The following ATRNL1 variants were observed in gnomAD, a reference collection of about 807,000 sequenced individuals.
ATRNL1 encodes the protein attractin like 1.
A neutral mutation model predicts 182.7 loss-of-function variants in ATRNL1; 95 were observed. The observed-to-expected ratio is 0.52, with a 90% CI of 0.44 to 0.62. ATRNL1 has a LOEUF of 0.62. ATRNL1 is among the 20% of genes least tolerant of loss of function. The pLI is 0.00. For synonymous variants in ATRNL1, 576 were observed against 568.3 expected (o/e 1.01, Z -0.19); for missense variants, 1,471 against 1,679.5 (o/e 0.88, Z 2.17).
chr10:115,542,730 T>A (rs1428219963), intron 25 of ATRNL1, among the ~76,000 whole-genome samples: 2 of 152,104 alleles, frequency 1.3e-5, no homozygotes, highest in African/African-American at 4.8e-5. Flanking sequence ...ACTAAGTGGG[T>A]TAAACAATAG....
chr10:115,533,271 A>C (rs1235797262), intron 25 of ATRNL1, among the ~76,000 whole-genome samples: 2 of 151,822 alleles, frequency 1.3e-5, no homozygotes, highest in African/African-American at 4.8e-5. Flanking sequence ...TTATTGCCAC[A>C]GTTTCAGATG....
chr10:115,897,026 A>C (rs1269010679), intron 28 of ATRNL1, among the ~76,000 whole-genome samples: 1 of 152,318 alleles, frequency 6.6e-6, no homozygotes, highest in East Asian at 1.9e-4. Context: ...TATTTATATC[A>C]CTTAGAATAA....
intron 7 of ATRNL1, among the ~76,000 whole-genome samples, chr10:115,167,345 CTTTGTT>C (rs1847093396): frequency 6.6e-6 from 1 of 151,854 alleles, no homozygotes; most frequent in South Asian, 2.1e-4. Context: ...ATACTTCCTA[CTTTGTT>C]TTTATTTCTC....
At chr10:115,685,374 A>G (rs2133959619) in intron 26 of ATRNL1, among the ~76,000 whole-genome samples, 1 of 151,958 alleles carries the variant, frequency 6.6e-6, no homozygotes, top group African/African-American at 2.4e-5. Flanking sequence ...TTTATCATCT[A>G]TACAATGGAG....
At chr10:115,317,435 A>G (rs1854355139) in intron 18 of ATRNL1, among the ~76,000 whole-genome samples, 1 of 152,124 alleles carries the variant, frequency 6.6e-6, no homozygotes, top group Non-Finnish European at 1.5e-5. Context: ...GAAGAATGTC[A>G]ATTGTAGCTT....
intron 19 of ATRNL1, among the ~76,000 whole-genome samples, chr10:115,370,742 A>T (rs1213527714): frequency 6.6e-6 from 1 of 152,254 alleles, no homozygotes; most frequent in Non-Finnish European, 1.5e-5. Context: ...ATAGAAAAGA[A>T]CATCCCATTT....
At chr10:115,499,382 A>G (rs1554979420) in intron 24 of ATRNL1, among the ~76,000 whole-genome samples, 2 of 152,184 alleles carry the variant, frequency 1.3e-5, no homozygotes, top group South Asian at 2.1e-4. Context: ...AAATGAAACT[A>G]TTTTAAGAGT....
intron 1 of ATRNL1, among the ~76,000 whole-genome samples, chr10:115,097,353 G>GCA (rs1554863387): frequency 6.6e-6 from 1 of 152,128 alleles, no homozygotes; most frequent in African/African-American, 2.4e-5. Context: ...GGGCATGGTG[G>GCA]CACACACCTG....
intron 27 of ATRNL1, among the ~76,000 whole-genome samples, chr10:115,755,285 A>G (rs534999806): frequency 1.3e-5 from 2 of 152,278 alleles, no homozygotes; most frequent in Admixed American, 6.5e-5. Context: ...TTGCCCATTC[A>G]GTATGATATT....
At chr10:115,239,556 C>T (rs1850326417) in intron 9 of ATRNL1, among the ~76,000 whole-genome samples, 1 of 151,996 alleles carries the variant, frequency 6.6e-6, no homozygotes, top group Non-Finnish European at 1.5e-5. Flanking sequence ...CTTAGCCTAC[C>T]TCTCCTCCTG....
chr10:115,811,873 T>C (rs1950054256), intron 27 of ATRNL1, among the ~76,000 whole-genome samples: 1 of 152,060 alleles, frequency 6.6e-6, no homozygotes, highest in Non-Finnish European at 1.5e-5. Context: ...ATTATAAAAA[T>C]ATGTGAAAAT....
intron 28 of ATRNL1, 106 bp downstream of exon 28, chr10:115,848,097 A>G: frequency 1.5e-6 from 1 of 661,678 alleles, no homozygotes; most frequent in Non-Finnish European, 2.7e-6. Context: ...GCAAGGTTCT[A>G]ATTTAGAGCA....
chr10:115,856,540 T>C (rs1589610867), intron 28 of ATRNL1, among the ~76,000 whole-genome samples: 1 of 151,154 alleles, frequency 6.6e-6, no homozygotes, highest in African/African-American at 2.4e-5. Context: ...TCCCCAACCT[T>C]TTGGCACCAG....
chr10:115,467,299 G>A (rs782211858), intron 23 of ATRNL1, 47 bp downstream of exon 23: 5 of 1,359,410 alleles, frequency 3.7e-6, no homozygotes, highest in South Asian at 1.3e-5. Flanking sequence ...GTTCCTATCT[G>A]GAAGTTGTTC....
intron 8 of ATRNL1, among the ~76,000 whole-genome samples, chr10:115,182,138 T>G (rs1847772728): frequency 6.6e-6 from 1 of 151,696 alleles, no homozygotes; most frequent in South Asian, 2.1e-4. Flanking sequence ...TTGCTATATT[T>G]AAATTCTTTT....
intron 9 of ATRNL1, among the ~76,000 whole-genome samples, chr10:115,240,815 CTTTAA>C (rs1240735161): frequency 6.6e-6 from 1 of 151,902 alleles, no homozygotes; most frequent in Non-Finnish European, 1.5e-5. Context: ...CAGAATTATA[CTTTAA>C]TTAAAAGAAC....
intron 26 of ATRNL1, among the ~76,000 whole-genome samples, chr10:115,596,461 G>A (rs782490591): frequency 6.6e-5 from 10 of 152,236 alleles, no homozygotes; most frequent in South Asian, 2.1e-4. Context: ...ATAAATATAT[G>A]ACTACATACA....
intron 26 of ATRNL1, among the ~76,000 whole-genome samples, chr10:115,723,209 T>A (rs1947485232): frequency 6.6e-6 from 1 of 152,068 alleles, no homozygotes; most frequent in Non-Finnish European, 1.5e-5. Context: ...TGAGGTGAGG[T>A]AGAAGGACAT....
chr10:115,442,303 C>CTCTCTCTCTG lies in ATRNL1; in HGVS notation c.3322+16002_3322+16003insCTCTCTCTGT, dbSNP rs782157017. ...TCTCTCTCTCTCTCTCTCTCTCTCT[C>CTCTCTCTCTG]TGTGTGTATGTGTGTGTGTAAACAA... On this transcript the variant is annotated intron_variant, in intron 21 of 28. Transcript: ENST00000355044. 1.5e-3 allele frequency among the ~76,000 whole-genome samples: 189 copies of CTCTCTCTCTG among 123,808 alleles called. 3 individuals are homozygous for CTCTCTCTCTG. Among genetic ancestry groups the CTCTCTCTCTG allele is most frequent in the South Asian group, 0.011 (41 of 3,898 alleles). The allele number at this position is 123,808 out of a possible 152,430, so 81.2% of individuals were successfully genotyped here.
Sources: allele counts gnomAD v4.1 joint callset (sites outside exome capture counted in the v4.1 genomes callset), GRCh38; gene constraint gnomAD v4.1.1; transcripts MANE v1.5; gene names NCBI Gene and HGNC (gene_info 2026-07-23, HGNC 2026-07-21).